Variants in RIN3 observed in about 807,000 individuals in gnomAD.
RIN3 encodes Ras and Rab interactor 3.
RIN3 carries 54 observed loss-of-function variants against 76.3 expected under a neutral mutation model. The observed-to-expected ratio is 0.71, with a 90% confidence interval of 0.57 to 0.89. The LOEUF (loss-of-function observed/expected upper bound fraction) is 0.89, where lower values mean the gene tolerates loss of function less well. Ranked by LOEUF, RIN3 falls within the 40% of genes least tolerant of loss-of-function variation. RIN3 has a pLI of 0.00. For synonymous variants in RIN3, 576 were observed against 564.0 expected, an observed-to-expected ratio of 1.02 and a Z score of -0.30; for missense variants, 1,256 against 1,322.1, an observed-to-expected ratio of 0.95 and a Z score of 0.78.
At position 92,553,409 on chromosome 14, in the gene RIN3, C is replaced by T. The variant is rs372550521; in HGVS notation, c.45-2342C>T. ...CTCCATCATTTTAACTTTTCCCAGA[C>T]GAGATGCTGGGACCACACTCAGGGC... On this transcript the variant is annotated intron_variant, in intron 1 of 9. Transcript: ENST00000216487. Among the ~76,000 whole-genome samples, 8 of 152,074 alleles carry T rather than the reference C, an allele frequency of 5.3e-5. 1 individual carries two copies. In the South Asian group the frequency reaches 8.3e-4, roughly 16 times the overall value.
chr14:92,679,214 T>G (rs1048053903), intron 8 of RIN3, among the ~76,000 whole-genome samples: 2 of 152,220 alleles, frequency 1.3e-5, no homozygotes, highest in Non-Finnish European at 2.9e-5. Context: ...TTGTCAGACT[T>G]GAGTAGGCAG....
chr14:92,636,760 A>G (rs1402064164), intron 4 of RIN3, among the ~76,000 whole-genome samples: 2 of 150,862 alleles, frequency 1.3e-5, no homozygotes, highest in African/African-American at 4.9e-5. Flanking sequence ...TTTAAAATAC[A>G]TGATGTGGGC....
chr14:92,561,055 A>ATATATATATATATATATATATATC (rs71123360), intron 2 of RIN3, among the ~76,000 whole-genome samples: 1 of 79,160 alleles, frequency 1.3e-5, no homozygotes, highest in Non-Finnish European at 2.5e-5. Context: ...ATATATATAT[A>ATATATATATATATATATATATATC]TCTGCCATAT....
At chr14:92,601,423 C>T (rs373462089) in intron 3 of RIN3, among the ~76,000 whole-genome samples, 10 of 152,246 alleles carry the variant, frequency 6.6e-5, no homozygotes, top group East Asian at 1.9e-4. Context: ...CTCACAGTGG[C>T]GGTCACTTTC....
intron 1 of RIN3, among the ~76,000 whole-genome samples, chr14:92,543,509 A>C (rs1397962763): frequency 6.6e-6 from 1 of 152,000 alleles, no homozygotes; most frequent in Non-Finnish European, 1.5e-5. Context: ...ACTATCCAGA[A>C]ATTTTGCTAG....
intron 1 of RIN3, among the ~76,000 whole-genome samples, chr14:92,530,888 G>A (rs1043361515): frequency 1.3e-5 from 2 of 152,094 alleles, no homozygotes; most frequent in Admixed American, 6.5e-5. Context: ...CCCAGGTGAA[G>A]AACCTGGGAG....
chr14:92,529,091 C>A (rs941003837), intron 1 of RIN3, among the ~76,000 whole-genome samples: 5 of 152,036 alleles, frequency 3.3e-5, no homozygotes, highest in South Asian at 2.1e-4. Context: ...TGGTGGAGAC[C>A]CCCCTGCTCT....
intron 2 of RIN3, among the ~76,000 whole-genome samples, chr14:92,558,887 CTTTT>C (rs61202055): frequency 1.5e-5 from 2 of 130,760 alleles, no homozygotes; most frequent in East Asian, 2.2e-4. Flanking sequence ...CTTTTCTTTT[CTTTT>C]TTTTTTTTTT....
chr14:92,685,091 C>T lies in RIN3; in HGVS notation c.2572C>T (p.His858Tyr), dbSNP rs752300973. 2.5e-6 allele frequency: 4 copies of T among 1,613,810 alleles called. No homozygotes were observed. The highest frequency in any genetic ancestry group is 3.4e-6 in the Non-Finnish European group (4 of 1,179,934). The change falls in exon 9 of 10, where the codon CAC becomes TAC. Residue 858 changes from histidine to tyrosine, a missense_variant. His to Tyr is a moderately conservative substitution (Grantham distance 83, BLOSUM62 2). Around this residue, in one of 3 missense-constraint regions of RIN3, gnomAD observed 428 missense variants for 521.2 expected, o/e 0.82. Transcript: ENST00000216487. The surrounding 1 kb of genome is among the most constrained non-coding windows in gnomAD (Gnocchi z 4.7). Reference protein sequence around the residue: ...QLSVEVQDSIHRWERRRTLNK... With the variant: ...QLSVEVQDSIYRWERRRTLNK... Reference sequence around the variant, plus strand: ...GAGTGTGGAGGTGCAGGACTCCATCCACCGCTGGGAGCGCCGGCGTACTCT... The same window carrying T: ...GAGTGTGGAGGTGCAGGACTCCATCTACCGCTGGGAGCGCCGGCGTACTCT...
At chr14:92,661,758 C>CAAA (rs56180273) in intron 7 of RIN3, among the ~76,000 whole-genome samples, 5 of 133,240 alleles carry the variant, frequency 3.8e-5, no homozygotes, top group African/African-American at 1.3e-4. Flanking sequence ...CACACACACA[C>CAAA]AAAAAATAGA....
At chr14:92,610,948 T>C (rs543745105) in intron 3 of RIN3, among the ~76,000 whole-genome samples, 1 of 152,302 alleles carries the variant, frequency 6.6e-6, no homozygotes, top group South Asian at 2.1e-4. Context: ...TCCAAGCCAC[T>C]CCCATGGCAT....
chr14:92,641,313 C>A lies in RIN3; in HGVS notation c.516C>A (p.Ile172=). 2 of 1,613,840 alleles carry A rather than the reference C, an allele frequency of 1.2e-6. No homozygotes were observed. Among genetic ancestry groups the A allele is most frequent in the Non-Finnish European group, 8.5e-7 (1 of 1,179,694 alleles). ...GCAGCTTCACGGACCTTGAGACCAT[C>A]GCCAACCTGGGTCTGGGTGAGTCTT... is the stretch of plus-strand genomic sequence containing the variant. ...EASSFTDLET[I]ANLGLGFWDS... is the part of the protein sequence containing the mutation. The change falls in exon 5 of 10, where the codon ATC becomes ATA. Residue 172 remains isoleucine (I), a synonymous_variant. Transcript: ENST00000216487.
chr14:92,613,775 G>A (rs1011647411), intron 3 of RIN3, among the ~76,000 whole-genome samples: 43 of 152,186 alleles, frequency 2.8e-4, no homozygotes, highest in Non-Finnish European at 4.6e-4. Context: ...CCTGGAAGCC[G>A]GGTCCTGCCT....
At chr14:92,629,049 C>T (rs919495317) in intron 4 of RIN3, among the ~76,000 whole-genome samples, 8 of 152,044 alleles carry the variant, frequency 5.3e-5, no homozygotes, top group African/African-American at 9.7e-5. Flanking sequence ...TCACTGGCCA[C>T]GGCCAGAAAC....
intron 1 of RIN3, among the ~76,000 whole-genome samples, chr14:92,526,008 T>G (rs1896718802): frequency 6.6e-6 from 1 of 151,872 alleles, no homozygotes; most frequent in Non-Finnish European, 1.5e-5. Flanking sequence ...CCAGGTAAAC[T>G]CGTGGTGGGG....
chr14:92,527,476 C>T (rs930181445), intron 1 of RIN3, among the ~76,000 whole-genome samples: 27 of 152,120 alleles, frequency 1.8e-4, no homozygotes, highest in African/African-American at 5.3e-4. Context: ...CTTTCTGGGG[C>T]GCTATAGGAC....
At chr14:92,635,599 C>A (rs771085001) in intron 4 of RIN3, among the ~76,000 whole-genome samples, 41 of 152,150 alleles carry the variant, frequency 2.7e-4, no homozygotes, top group Non-Finnish European at 5.7e-4. Context: ...CACCTGTAAT[C>A]CCAGCACTTC....
intron 4 of RIN3, among the ~76,000 whole-genome samples, chr14:92,619,348 G>A (rs1471009031): frequency 6.7e-6 from 1 of 148,298 alleles, no homozygotes; most frequent in Non-Finnish European, 1.5e-5. Flanking sequence ...TAAAGAAGTA[G>A]AAACCTTTTA....
chr14:92,607,929 A>G (rs753541935), intron 3 of RIN3, among the ~76,000 whole-genome samples: 3 of 152,230 alleles, frequency 2.0e-5, no homozygotes, highest in Admixed American at 6.5e-5. Context: ...CAAAAGATAT[A>G]TACTTTGTGA....
Sources: allele counts gnomAD v4.1 joint callset (sites outside exome capture counted in the v4.1 genomes callset), GRCh38; gene constraint gnomAD v4.1.1; regional missense constraint gnomAD v4.1.1; non-coding constraint Gnocchi (gnomAD v3.1); transcripts MANE v1.5; gene names NCBI Gene and HGNC (gene_info 2026-07-23, HGNC 2026-07-21).